MGAT5: variants seen among roughly 807,000 people sequenced by gnomAD.
The protein encoded by MGAT5 is alpha-1,6-mannosylglycoprotein 6-beta-N-acetylglucosaminyltransferase A.
A neutral mutation model predicts 94.3 loss-of-function variants in MGAT5; 30 were observed. That is an observed-to-expected ratio of 0.32 (90% CI 0.24 to 0.43). MGAT5 has a LOEUF of 0.43. Among genes scored for constraint, MGAT5 ranks in the 20% least tolerant of loss-of-function variants. MGAT5 has a pLI of 1.00. For missense variants in MGAT5, 691 were observed against 905.5 expected (o/e 0.76, Z 3.04); for synonymous variants, 310 against 322.9 (o/e 0.96, Z 0.43).
intron 2 of MGAT5, among the ~76,000 whole-genome samples, chr2:134,311,855 G>C (rs1410982531): frequency 6.6e-6 from 1 of 152,114 alleles, no homozygotes; most frequent in Non-Finnish European, 1.5e-5. Context: ...TATAAATATT[G>C]ATCCTAGGCA....
chr2:134,324,939 G>C (rs79562354), intron 4 of MGAT5, among the ~76,000 whole-genome samples: 1 of 151,094 alleles, frequency 6.6e-6, no homozygotes, highest in Non-Finnish European at 1.5e-5. Flanking sequence ...GCCTTTATTG[G>C]TATCTTTTTC....
At chr2:134,366,436 A>G (rs1039311570) in intron 10 of MGAT5, among the ~76,000 whole-genome samples, 3 of 152,226 alleles carry the variant, frequency 2.0e-5, no homozygotes, top group Non-Finnish European at 4.4e-5. Flanking sequence ...TATGATCTTA[A>G]TACAAGATAA....
intron 1 of MGAT5, among the ~76,000 whole-genome samples, chr2:134,220,007 C>T (rs889874580): frequency 2.6e-5 from 4 of 152,114 alleles, no homozygotes; most frequent in Admixed American, 2.0e-4. Flanking sequence ...CTAATATTAG[C>T]ATTATTAAGT....
intron 12 of MGAT5, among the ~76,000 whole-genome samples, chr2:134,421,515 G>T (rs1241763674): frequency 4.6e-5 from 7 of 152,038 alleles, no homozygotes; most frequent in Non-Finnish European, 8.8e-5. Context: ...AACCCAGGAG[G>T]CAGAGGTTGC....
At chr2:134,226,872 A>T (rs1034823781) in intron 1 of MGAT5, among the ~76,000 whole-genome samples, 3 of 152,004 alleles carry the variant, frequency 2.0e-5, no homozygotes, top group South Asian at 2.1e-4. Context: ...AGCAGCCTGC[A>T]TGGGTTCTGT....
upstream of MGAT5, among the ~76,000 whole-genome samples, chr2:134,252,380 T>C (rs1430678968): frequency 6.6e-6 from 1 of 152,174 alleles, no homozygotes; most frequent in Non-Finnish European, 1.5e-5. Context: ...TACGTTATGA[T>C]AGTACAAGAC....
intron 1 of MGAT5, among the ~76,000 whole-genome samples, chr2:134,148,671 T>C (rs926723626): frequency 2.0e-5 from 3 of 152,280 alleles, no homozygotes; most frequent in Admixed American, 6.5e-5. Flanking sequence ...GTTATACACA[T>C]GGACACACTG....
chr2:134,402,883 AC>A, intron 10 of MGAT5, 104 bp from the exon 11 acceptor site: 3 of 1,141,152 alleles, frequency 2.6e-6, no homozygotes, highest in Non-Finnish European at 3.6e-6. Flanking sequence ...CATATTAAGA[AC>A]TCTCTGTCTG....
intron 10 of MGAT5, among the ~76,000 whole-genome samples, chr2:134,397,202 G>T (rs1267665972): frequency 6.6e-6 from 1 of 152,196 alleles, no homozygotes; most frequent in Non-Finnish European, 1.5e-5. Flanking sequence ...TGACAATAAG[G>T]AGGATGGGTT....
chr2:134,164,850 A>C (rs2105082328), intron 1 of MGAT5, among the ~76,000 whole-genome samples: 1 of 149,722 alleles, frequency 6.7e-6, no homozygotes, highest in Non-Finnish European at 1.5e-5. Context: ...AAAAAAAAAA[A>C]ACCAAACCAA....
chr2:134,418,314 C>T (rs915370167), intron 12 of MGAT5, among the ~76,000 whole-genome samples: 1 of 152,174 alleles, frequency 6.6e-6, no homozygotes, highest in African/African-American at 2.4e-5. Flanking sequence ...GTCACACGGA[C>T]ATTTGGTTCC....
intron 1 of MGAT5, among the ~76,000 whole-genome samples, chr2:134,126,898 T>A (rs1298882112): frequency 6.6e-5 from 10 of 151,968 alleles, no homozygotes; most frequent in Admixed American, 6.6e-5. Flanking sequence ...TTTTTTTTTT[T>A]AAACCATCTT....
rs1159669552 is a variant in MGAT5, at chr2:134,351,501, A to G, written c.1246+1563A>G. ...AGGTTTCTTTTTTCCTAGAAAACAT[A>G]AAGTTCTATTTTAGAATATTGGAAT... On this transcript the variant is annotated intron_variant, in intron 9 of 15. Coordinates refer to ENST00000281923, the MANE Select transcript of MGAT5 (RefSeq NM_002410.5). Among the ~76,000 whole-genome samples the G allele has an allele frequency of 2.6e-5, 4 of 152,302 alleles. No individual in the cohort carries two copies. The East Asian group carries it at 5.8e-4, about 22-fold the overall frequency.
In MGAT5 at chr2:134,428,370, G is replaced by C; in HGVS notation, c.1800G>C (p.Glu600Asp). 6.2e-7 allele frequency: 1 copy of C among 1,613,970 alleles called. No homozygotes were observed. The highest frequency in any genetic ancestry group is 1.1e-5 in the South Asian group (1 of 91,082). Residue 600 changes from glutamate (E) to aspartate (D), a missense_variant, in exon 14 of 16, where the codon GAG becomes GAC. Transcript: ENST00000281923. Reference sequence around the variant, plus strand: ...ATCATGCTCTGTTTCCACAGATTGAGCCATACATGCCATATGAATTTACGT... The same window carrying C: ...ATCATGCTCTGTTTCCACAGATTGACCCATACATGCCATATGAATTTACGT... ...AVKAILNQKI[E>D]PYMPYEFTCE...
intron 1 of MGAT5, among the ~76,000 whole-genome samples, chr2:134,258,706 G>A (rs1206988771): frequency 6.6e-6 from 1 of 152,198 alleles, no homozygotes; most frequent in Non-Finnish European, 1.5e-5. Context: ...ATAAAATGTA[G>A]CATTTCTCTG....
chr2:134,196,009 A>G (rs1449113141), intron 1 of MGAT5, among the ~76,000 whole-genome samples: 1 of 152,202 alleles, frequency 6.6e-6, no homozygotes, highest in East Asian at 1.9e-4. Context: ...CAGGGTAAAA[A>G]GTCAGGATGA....
intron 1 of MGAT5, among the ~76,000 whole-genome samples, chr2:134,137,041 A>G (rs1427989310): frequency 2.0e-5 from 3 of 152,236 alleles, no homozygotes; most frequent in Non-Finnish European, 4.4e-5. Context: ...TCTGAATCCT[A>G]AACAGAAGTC....
At chr2:134,430,156 G>C (rs1464041511) in intron 14 of MGAT5, among the ~76,000 whole-genome samples, 1 of 152,154 alleles carries the variant, frequency 6.6e-6, no homozygotes. Context: ...CCGCCATCTC[G>C]GCAGCTCTCT....
intron 9 of MGAT5, among the ~76,000 whole-genome samples, chr2:134,352,218 T>C (rs566222712): frequency 6.6e-5 from 10 of 152,258 alleles, no homozygotes; most frequent in South Asian, 2.1e-4. Flanking sequence ...ATCCCAAAGA[T>C]AATGAGCAAA....
Sources: gnomAD v4.1 joint callset for allele counts (sites outside exome capture counted in the v4.1 genomes callset) on GRCh38, gnomAD v4.1.1 for gene constraint, MANE v1.5 for transcripts, NCBI Gene and HGNC (gene_info 2026-07-23, HGNC 2026-07-21) for gene names.